Variants in GPC6 observed in about 807,000 individuals in gnomAD.
The protein encoded by GPC6 is glypican 6.
Under a neutral mutation model 55.2 loss-of-function variants are expected in GPC6, and 14 were observed. The observed-to-expected ratio is 0.25, with a 90% CI of 0.17 to 0.40. The LOEUF is 0.40. Among genes scored for constraint, GPC6 ranks in the 10% least tolerant of loss-of-function variants. The probability of loss-of-function intolerance (pLI) is 1.00; values close to 1 mark genes in which losing one functional copy is unlikely to be tolerated. For missense variants in GPC6, 641 were observed against 708.5 expected, an observed-to-expected ratio of 0.90 and a Z score of 1.08; for synonymous variants, 278 against 259.6, an observed-to-expected ratio of 1.07 and a Z score of -0.68.
chr13:93,340,629 G>C (rs867283518), intron 1 of GPC6, among the ~76,000 whole-genome samples: 16 of 152,122 alleles, frequency 1.1e-4, no homozygotes, highest in African/African-American at 3.4e-4. Flanking sequence ...TCCTTAAGTG[G>C]GAGAGAGCTT....
At chr13:93,647,574 C>T (rs573788849) in intron 2 of GPC6, among the ~76,000 whole-genome samples, 9 of 152,226 alleles carry the variant, frequency 5.9e-5, no homozygotes, top group South Asian at 2.1e-4. Context: ...TGACTTAGGA[C>T]GTGGATGAGG....
At chr13:93,563,781 C>T (rs1169316815) in intron 2 of GPC6, among the ~76,000 whole-genome samples, 1 of 151,436 alleles carries the variant, frequency 6.6e-6, no homozygotes, top group Non-Finnish European at 1.5e-5. Flanking sequence ...AAAGACTAAT[C>T]CTGCCAGCAG....
At chr13:94,335,800 T>C (rs924534033) in intron 6 of GPC6, among the ~76,000 whole-genome samples, 3 of 151,684 alleles carry the variant, frequency 2.0e-5, no homozygotes, top group African/African-American at 7.2e-5. Flanking sequence ...ATCTGAACTT[T>C]AGGGAGAACA....
intron 4 of GPC6, among the ~76,000 whole-genome samples, chr13:94,110,423 T>TTC (rs1355412990): frequency 1.3e-5 from 2 of 151,524 alleles, no homozygotes; most frequent in Non-Finnish European, 2.9e-5. Context: ...TGAAGTAGAG[T>TTC]AGAGGGTGGA....
At chr13:94,043,366 A>T (rs1397974932) in intron 4 of GPC6, among the ~76,000 whole-genome samples, 1 of 151,896 alleles carries the variant, frequency 6.6e-6, no homozygotes, top group Non-Finnish European at 1.5e-5. Context: ...TATCAAATTT[A>T]TGACTAACAT....
At chr13:93,697,264 A>G (rs537151731) in intron 2 of GPC6, among the ~76,000 whole-genome samples, 1 of 152,106 alleles carries the variant, frequency 6.6e-6, no homozygotes, top group South Asian at 2.1e-4. Flanking sequence ...TACCTGATGC[A>G]CTGGTCATTG....
In GPC6 at chr13:93,321,372, C is replaced by A. The variant is rs577238319; in HGVS notation, c.160+93756C>A. Among the ~76,000 whole-genome samples, 4 of 152,190 alleles carry A rather than the reference C, an allele frequency of 2.6e-5. No homozygotes were observed. The South Asian group carries it at 8.3e-4, about 32-fold the overall frequency. On this transcript the variant is annotated intron_variant, in intron 1 of 8. Transcript: ENST00000377047. ...ATTTTCCTTCTGCTGCCCTCCTTAC[C>A]AGGTAAAGGAATGATTTCTCTTTCC...
chr13:93,345,771 C>A (rs541314344), intron 1 of GPC6, among the ~76,000 whole-genome samples: 1 of 152,080 alleles, frequency 6.6e-6, no homozygotes, highest in East Asian at 1.9e-4. Flanking sequence ...TTATGATAAA[C>A]CTATTTTTTA....
At chr13:93,293,998 C>T (rs1329864476) in intron 1 of GPC6, among the ~76,000 whole-genome samples, 1 of 151,484 alleles carries the variant, frequency 6.6e-6, no homozygotes, top group Non-Finnish European at 1.5e-5. Context: ...ACTGTGAGTT[C>T]CTTGAGAATA....
intron 5 of GPC6, among the ~76,000 whole-genome samples, chr13:94,293,712 T>TAAG (rs1485461399): frequency 6.6e-6 from 1 of 152,210 alleles, no homozygotes; most frequent in Non-Finnish European, 1.5e-5. Context: ...TAAGAAATGT[T>TAAG]AAGTCTAGAG....
At chr13:94,389,890 G>C (rs968116981) in intron 7 of GPC6, among the ~76,000 whole-genome samples, 5 of 152,144 alleles carry the variant, frequency 3.3e-5, no homozygotes, top group African/African-American at 1.2e-4. Context: ...AATGCTTTCT[G>C]GGAGGAGGCT....
At chr13:93,709,399 C>G (rs1035306973) in intron 2 of GPC6, among the ~76,000 whole-genome samples, 1 of 151,688 alleles carries the variant, frequency 6.6e-6, no homozygotes, top group Non-Finnish European at 1.5e-5. Context: ...TTGGTAATAA[C>G]CTTACATATT....
chr13:93,492,794 C>T (rs1779503866), intron 1 of GPC6, among the ~76,000 whole-genome samples: 2 of 150,482 alleles, frequency 1.3e-5, no homozygotes, highest in South Asian at 4.2e-4. Context: ...TGGTTTTTGT[C>T]TTTGGCTCTG....
chr13:94,083,406 C>CCG (rs1566381235), intron 4 of GPC6, among the ~76,000 whole-genome samples: 27 of 152,324 alleles, frequency 1.8e-4, no homozygotes, highest in Non-Finnish European at 2.6e-4. Context: ...GCATGAGCCA[C>CCG]TGCACCCGGC....
chr13:93,741,328 G>T (rs949047035), intron 2 of GPC6, among the ~76,000 whole-genome samples: 5 of 151,784 alleles, frequency 3.3e-5, no homozygotes, highest in Non-Finnish European at 7.4e-5. Context: ...TGTTAGCCAG[G>T]ATGGTCTCGA....
At position 93,336,122 on chromosome 13, in the gene GPC6, A is replaced by T. The variant is rs543177268; in HGVS notation, c.160+108506A>T. ...TTTAACACTGTTTATCAACAGATAA[A>T]CTGTTGTTGGCTTGTAAAATCAAAC... On this transcript the variant is annotated intron_variant, in intron 1 of 8. Transcript: ENST00000377047. Among the ~76,000 whole-genome samples, 4 of 152,228 alleles carry T rather than the reference A, an allele frequency of 2.6e-5. No homozygotes were observed. In the South Asian group the frequency reaches 8.3e-4, roughly 31 times the overall value.
rs151337575 is a variant in GPC6, at chr13:93,386,231, G to A, written c.160+158615G>A. Among the ~76,000 whole-genome samples the A allele has an allele frequency of 2.6e-5, 4 of 152,196 alleles. No individual in the cohort carries two copies. In the East Asian group the frequency reaches 5.8e-4, roughly 22 times the overall value. On this transcript the variant is annotated intron_variant, in intron 1 of 8. Coordinates refer to ENST00000377047, the MANE Select transcript of GPC6 (RefSeq NM_005708.5). Reference sequence around the variant, plus strand: ...GCTATTAAGAGCTGTCATGGAAAATGTATCTGTCCTTAAATGGAAGGGAGA... The same window carrying A: ...GCTATTAAGAGCTGTCATGGAAAATATATCTGTCCTTAAATGGAAGGGAGA...
At chr13:93,783,670 T>G (rs1421027045) in intron 2 of GPC6, among the ~76,000 whole-genome samples, 1 of 152,190 alleles carries the variant, frequency 6.6e-6, no homozygotes, top group Non-Finnish European at 1.5e-5. Flanking sequence ...ATCACTGTTA[T>G]TCTCTGAAGA....
chr13:93,393,612 A>T (rs1875732237), intron 1 of GPC6, among the ~76,000 whole-genome samples: 1 of 151,474 alleles, frequency 6.6e-6, no homozygotes, highest in Non-Finnish European at 1.5e-5. Context: ...CTATTGCACA[A>T]ATAAGGACTT....
Sources: gnomAD v4.1 joint callset for allele counts (sites outside exome capture counted in the v4.1 genomes callset) on GRCh38, gnomAD v4.1.1 for gene constraint, MANE v1.5 for transcripts, NCBI Gene and HGNC (gene_info 2026-07-23, HGNC 2026-07-21) for gene names.